TBC1D19: variants seen among roughly 807,000 people sequenced by gnomAD.
TBC1D19 encodes TBC1 domain family member 19.
A neutral mutation model predicts 89.0 loss-of-function variants in TBC1D19; 60 were observed. That is an observed-to-expected ratio of 0.67 (90% CI 0.55 to 0.84). The LOEUF is 0.84. Ranked by LOEUF, TBC1D19 falls within the 40% of genes least tolerant of loss-of-function variation. The pLI is 0.00. For missense variants in TBC1D19, 500 were observed against 610.8 expected (o/e 0.82, Z 1.91); for synonymous variants, 189 against 199.7 (o/e 0.95, Z 0.45).
exon 1 of TBC1D19, chr4:26,576,708 A>C (rs1682867050): frequency 6.6e-6 from 3 of 456,052 alleles, no homozygotes; most frequent in African/African-American, 2.0e-5. Flanking sequence ...ACAGAAGAAC[A>C]ACACAGCAGG....
At chr4:26,633,921 CT>C (rs1742956393) in intron 4 of TBC1D19, among the ~76,000 whole-genome samples, 1 of 152,104 alleles carries the variant, frequency 6.6e-6, no homozygotes, top group African/African-American at 2.4e-5. Flanking sequence ...AATCCTCCAG[CT>C]TTAGATCCTT....
the TBC1D19 span, among the ~76,000 whole-genome samples, chr4:26,835,077 GACTT>G: frequency 6.6e-6 from 1 of 152,182 alleles, no homozygotes; most frequent in Admixed American, 6.5e-5. Context: ...TGGCAAAAGG[GACTT>G]ACTTGGCAAA....
At chr4:26,592,323 T>C (rs1223260498) in intron 1 of TBC1D19, among the ~76,000 whole-genome samples, 1 of 152,168 alleles carries the variant, frequency 6.6e-6, no homozygotes. Flanking sequence ...AATTAGGTAT[T>C]GATGGGACAT....
At chr4:26,619,668 C>T (rs138979998) in intron 3 of TBC1D19, among the ~76,000 whole-genome samples, 284 of 151,924 alleles carry the variant, frequency 1.9e-3, no homozygotes, top group African/African-American at 5.9e-3. Context: ...TTTGTGAATG[C>T]GAAAGATACA....
chr4:26,764,933 A>G, the TBC1D19 span, among the ~76,000 whole-genome samples: 1 of 152,216 alleles, frequency 6.6e-6, no homozygotes, highest in Admixed American at 6.5e-5. Flanking sequence ...GTAAAAATGT[A>G]AGGCATATGG....
chr4:26,640,206 A>G lies in TBC1D19; in HGVS notation c.480+19A>G. The G allele has an allele frequency of 6.5e-7, 1 of 1,549,412 alleles. No homozygotes were observed. The highest frequency in any genetic ancestry group is 8.9e-7 in the Non-Finnish European group (1 of 1,123,990). ...TCTTGAGGTAGGTTCTATTGGATAA[A>G]TACACATATATTAATGAATGAATAA... On this transcript the variant is annotated intron_variant, in intron 7 of 20. Coordinates refer to ENST00000264866, the MANE Select transcript of TBC1D19 (RefSeq NM_018317.4).
intron 4 of TBC1D19, 67 bp from the exon 5 acceptor site, chr4:26,637,144 C>G: frequency 8.7e-7 from 1 of 1,144,114 alleles, no homozygotes; most frequent in Non-Finnish European, 1.3e-6. Context: ...TTTGTAATAT[C>G]TTTAATTTTT....
At chr4:26,774,580 G>T in the TBC1D19 span, among the ~76,000 whole-genome samples, 2 of 152,086 alleles carry the variant, frequency 1.3e-5, no homozygotes, top group Admixed American at 6.5e-5. Context: ...AAGTGCTGTT[G>T]TTTAATTTCA....
At chr4:26,820,242 T>A in the TBC1D19 span, among the ~76,000 whole-genome samples, 3 of 145,176 alleles carry the variant, frequency 2.1e-5, no homozygotes, top group Non-Finnish European at 3.0e-5. Flanking sequence ...ATGGTTACCA[T>A]GCAGTACAAG....
At chr4:26,736,905 T>G (rs1378467003) in intron 16 of TBC1D19, among the ~76,000 whole-genome samples, 1 of 152,178 alleles carries the variant, frequency 6.6e-6, no homozygotes, top group African/African-American at 2.4e-5. Flanking sequence ...CTTATGAAGA[T>G]TAGCAAAAGG....
At chr4:26,710,431 T>C (rs529600966) in intron 13 of TBC1D19, among the ~76,000 whole-genome samples, 2 of 152,358 alleles carry the variant, frequency 1.3e-5, no homozygotes, top group East Asian at 1.9e-4. Context: ...CGGTCTATCA[T>C]TGTTGGACAT....
In TBC1D19 at chr4:26,748,420, A is replaced by G; in HGVS notation, c.1329A>G (p.Ile443Met). ...TTTTCCTTGCTTATAGACTTCGCAT[A>G]TCATTTAAGTGGATGGTTCGAGCTT... Reference protein sequence around the residue: ...LREIGAQPLRISFKWMVRAFS... With the variant: ...LREIGAQPLRMSFKWMVRAFS... Residue 443 changes from isoleucine (I) to methionine (M), a missense_variant, in exon 19 of 21, where the codon ATA (isoleucine) becomes ATG (methionine). By Grantham distance (10) the Ile-to-Met change is conservative (BLOSUM62 1). Around this residue, in one of 2 missense-constraint regions of TBC1D19, gnomAD observed 220 missense variants for 319.1 expected, o/e 0.69. Coordinates refer to ENST00000264866, the MANE Select transcript of TBC1D19 (RefSeq NM_018317.4). 1 of 1,612,584 alleles carries G rather than the reference A, an allele frequency of 6.2e-7. No homozygotes were observed. The highest frequency in any genetic ancestry group is 8.5e-7 in the Non-Finnish European group (1 of 1,179,176).
intron 9 of TBC1D19, among the ~76,000 whole-genome samples, chr4:26,670,118 C>A (rs1413414122): frequency 6.6e-6 from 1 of 151,590 alleles, no homozygotes; most frequent in Non-Finnish European, 1.5e-5. Context: ...ATAGTGTTCA[C>A]TGAAGCATTG....
rs1166344074 is a variant in TBC1D19 at position 26,672,310 on chromosome 4, A to G, written c.703+123A>G. The stretch of plus-strand genomic sequence containing the variant: ...AAAAGTGAAAAACCTAAAGAGGGGT[A>G]ATATTTAACCATGTAGATTACATAA... On this transcript the variant is annotated intron_variant, in intron 10 of 20. Coordinates refer to ENST00000264866, the MANE Select transcript of TBC1D19 (RefSeq NM_018317.4). The G allele has an allele frequency of 8.0e-6, 6 of 747,756 alleles. No homozygotes were observed. The Admixed American group carries it at 2.5e-4, about 31-fold the overall frequency. 46.3% of individuals were successfully genotyped at this position (747,756 alleles called of 1,614,324 possible).
chr4:26,800,873 A>G, the TBC1D19 span, among the ~76,000 whole-genome samples: 3 of 151,992 alleles, frequency 2.0e-5, no homozygotes, highest in Non-Finnish European at 2.9e-5. Context: ...CCTCTTGTAA[A>G]TTTGTTTGAG....
chr4:26,635,869 C>A (rs764603797), intron 4 of TBC1D19, among the ~76,000 whole-genome samples: 1 of 151,930 alleles, frequency 6.6e-6, no homozygotes, highest in East Asian at 1.9e-4. Context: ...TTTATTTAGA[C>A]AAGAATAAGA....
chr4:26,757,963 C>T (rs1719332940), downstream of TBC1D19, among the ~76,000 whole-genome samples: 1 of 152,148 alleles, frequency 6.6e-6, no homozygotes, highest in Non-Finnish European at 1.5e-5. Flanking sequence ...TTCCTATGTT[C>T]CCACAATGAT....
At chr4:26,760,379 A>G (rs1039854719), downstream of TBC1D19, among the ~76,000 whole-genome samples, 8 of 152,156 alleles carry the variant, frequency 5.3e-5, no homozygotes, top group African/African-American at 1.9e-4. Context: ...CTTGGGCAAC[A>G]TGGTAAAACC....
the TBC1D19 span, among the ~76,000 whole-genome samples, chr4:26,801,484 G>T: frequency 1.3e-5 from 2 of 152,106 alleles, no homozygotes; most frequent in Non-Finnish European, 2.9e-5. Flanking sequence ...TTGACTTGGT[G>T]ATGCGGGCTC....
Sources: gnomAD v4.1 joint callset for allele counts (sites outside exome capture counted in the v4.1 genomes callset) on GRCh38, gnomAD v4.1.1 for gene constraint, gnomAD v4.1.1 regional missense constraint, MANE v1.5 for transcripts, NCBI Gene and HGNC (gene_info 2026-07-23, HGNC 2026-07-21) for gene names.